TRDN: variants seen among roughly 807,000 people sequenced by gnomAD.
The protein encoded by TRDN is triadin.
A neutral mutation model predicts 149.7 loss-of-function variants in TRDN; 161 were observed. The ratio of observed to expected loss-of-function variants is 1.08; its 90% CI spans 0.95 to 1.23. The LOEUF is 1.23. TRDN is among the 50% of genes most tolerant of loss of function. The pLI, the probability that TRDN is intolerant of heterozygous loss-of-function variation, is 0.00. For synonymous variants in TRDN, 294 were observed against 250.5 expected (o/e 1.17, Z -1.64); for missense variants, 896 against 823.5 (o/e 1.09, Z -1.08).
intron 24 of TRDN, among the ~76,000 whole-genome samples, chr6:123,291,214 G>T (rs566289257): frequency 5.9e-5 from 9 of 152,062 alleles, no homozygotes; most frequent in Non-Finnish European, 1.0e-4. Context: ...TTTATATGAA[G>T]AGGGATCTTG....
At chr6:123,446,623 T>C (rs1347865309) in intron 10 of TRDN, among the ~76,000 whole-genome samples, 1 of 143,540 alleles carries the variant, frequency 7.0e-6, no homozygotes, top group African/African-American at 2.6e-5. Flanking sequence ...GAGCTAGGCC[T>C]AGTGAGGCCA....
At chr6:123,299,233 T>C (rs1778315901) in intron 24 of TRDN, among the ~76,000 whole-genome samples, 1 of 151,930 alleles carries the variant, frequency 6.6e-6, no homozygotes, top group Non-Finnish European at 1.5e-5. Flanking sequence ...GTCAGGATAT[T>C]GGTTAGGGCA....
intron 4 of TRDN, among the ~76,000 whole-genome samples, chr6:123,546,216 G>C (rs1424313419): frequency 6.6e-6 from 1 of 152,052 alleles, no homozygotes; most frequent in Non-Finnish European, 1.5e-5. Context: ...TCTCATTCTG[G>C]ATTTGCAGGT....
At chr6:123,350,312 C>A in intron 21 of TRDN, 2 of 951,722 alleles carry the variant, frequency 2.1e-6, no homozygotes, top group Non-Finnish European at 2.5e-6. Context: ...GTATTTAAGT[C>A]CAGAGATTCA....
At chr6:123,351,895 T>C (rs974174618) in intron 21 of TRDN, 7 of 984,884 alleles carry the variant, frequency 7.1e-6, no homozygotes, top group Admixed American at 1.2e-4. Flanking sequence ...TCACTTTAAA[T>C]GTTTTAAGTT....
intron 19 of TRDN, among the ~76,000 whole-genome samples, chr6:123,373,802 T>C (rs894207830): frequency 6.6e-6 from 1 of 152,198 alleles, no homozygotes; most frequent in African/African-American, 2.4e-5. Flanking sequence ...TGTAAAATCA[T>C]ATCTCAAATG....
At position 123,352,538 on chromosome 6, in the gene TRDN, C is replaced by A; in HGVS notation, c.1369+1G>T. Reference sequence around the variant, plus strand: ...TGTCAACCTCCTTCATTTTTTTTTACCTTGCTCCACTGTCTTGGTTGTTTT... The same window carrying A: ...TGTCAACCTCCTTCATTTTTTTTTAACTTGCTCCACTGTCTTGGTTGTTTT... On this transcript the variant is annotated splice_donor_variant, in intron 21 of 40. Transcript: ENST00000334268. LOFTEE classifies it high-confidence loss of function. 6.2e-7 allele frequency: 1 copy of A among 1,607,636 alleles called. No homozygotes were observed. Among genetic ancestry groups the A allele is most frequent in the Non-Finnish European group, 8.5e-7 (1 of 1,176,406 alleles).
intron 2 of TRDN, among the ~76,000 whole-genome samples, chr6:123,549,609 T>G (rs1370373557): frequency 6.6e-6 from 1 of 152,122 alleles, no homozygotes; most frequent in Admixed American, 6.6e-5. Context: ...TTACTGTGAC[T>G]AACATAGTAA....
chr6:123,402,838 T>G (rs1310892195), intron 12 of TRDN, among the ~76,000 whole-genome samples: 2 of 152,180 alleles, frequency 1.3e-5, no homozygotes, highest in Admixed American at 6.5e-5. Flanking sequence ...GAGATTTGTT[T>G]GACATATACA....
At position 123,536,730 on chromosome 6, in the gene TRDN, T is replaced by TAAAA. The variant is rs1554254689; in HGVS notation, c.425-6169_425-6166dup. On this transcript the variant is annotated intron_variant, in intron 4 of 40. Transcript: ENST00000334268. ...ATAAATAAATAAATAAATAAATAAA[T>TAAAA]AAAAATGAGCTGGGTGTGGTGGTGC... is the stretch of plus-strand genomic sequence containing the variant. Among the ~76,000 whole-genome samples, 23 of 148,454 alleles carry TAAAA rather than the reference T, an allele frequency of 1.5e-4. No individual in the cohort carries two copies. The South Asian group carries it at 2.5e-3, about 16-fold the overall frequency.
intron 27 of TRDN, among the ~76,000 whole-genome samples, chr6:123,273,777 T>A (rs1033666155): frequency 6.6e-6 from 1 of 152,044 alleles, no homozygotes. Context: ...TTTGTTGATA[T>A]TGAAGAATCT....
At chr6:123,292,839 A>G (rs1289144495) in intron 24 of TRDN, among the ~76,000 whole-genome samples, 1 of 152,180 alleles carries the variant, frequency 6.6e-6, no homozygotes, top group Non-Finnish European at 1.5e-5. Flanking sequence ...AAGTAGTAAC[A>G]TGATGCTGTG....
At chr6:123,269,470 A>T (rs1012473549) in intron 31 of TRDN, among the ~76,000 whole-genome samples, 1 of 152,002 alleles carries the variant, frequency 6.6e-6, no homozygotes, top group African/African-American at 2.4e-5. Context: ...TGTTTAAAAG[A>T]TTTCCAACCT....
At chr6:123,586,928 AAAT>A (rs1232205961) in intron 1 of TRDN, among the ~76,000 whole-genome samples, 3 of 152,136 alleles carry the variant, frequency 2.0e-5, no homozygotes, top group Middle Eastern at 3.4e-3. Context: ...TAGGGCACAG[AAAT>A]AATGGATTGG....
intron 24 of TRDN, among the ~76,000 whole-genome samples, chr6:123,282,841 A>G (rs1179152962): frequency 6.6e-6 from 1 of 151,948 alleles, no homozygotes; most frequent in Non-Finnish European, 1.5e-5. Context: ...AAAATTTGTA[A>G]GTGTAATATT....
At chr6:123,591,282 G>T (rs1393985759) in intron 1 of TRDN, among the ~76,000 whole-genome samples, 1 of 151,964 alleles carries the variant, frequency 6.6e-6, no homozygotes, top group Non-Finnish European at 1.5e-5. Flanking sequence ...TTTCACTCTT[G>T]TTGCCCAGGC....
At chr6:123,454,745 C>T (rs1775999584) in intron 10 of TRDN, among the ~76,000 whole-genome samples, 1 of 152,218 alleles carries the variant, frequency 6.6e-6, no homozygotes. Context: ...AGAGCAAACC[C>T]TCTTGTGAAC....
chr6:123,221,448 C>T (rs767267841), intron 40 of TRDN, 39 bp downstream of exon 40: 3 of 1,441,590 alleles, frequency 2.1e-6, no homozygotes, highest in Non-Finnish European at 2.9e-6. Flanking sequence ...ATCTTTAATA[C>T]AGAATGATTT....
chr6:123,290,599 C>T (rs149670053), intron 24 of TRDN, among the ~76,000 whole-genome samples: 20 of 152,114 alleles, frequency 1.3e-4, no homozygotes, highest in East Asian at 1.9e-4. Flanking sequence ...AGTGAAAGAA[C>T]GGAATCGATG....
Sources: allele counts gnomAD v4.1 joint callset (sites outside exome capture counted in the v4.1 genomes callset), GRCh38; gene constraint gnomAD v4.1.1; transcripts MANE v1.5; gene names NCBI Gene and HGNC (gene_info 2026-07-23, HGNC 2026-07-21).